The following POLN variants were observed in gnomAD, a reference collection of about 807,000 sequenced individuals.
POLN encodes DNA polymerase N.
In POLN, 108 loss-of-function variants were observed where a neutral mutation model predicts 113.5. That is an observed-to-expected ratio of 0.95 (90% CI 0.81 to 1.12). The LOEUF (loss-of-function observed/expected upper bound fraction) is 1.12. POLN is among the 50% of genes most tolerant of loss of function. The probability of loss-of-function intolerance (pLI) is 0.00; values close to 1 mark genes in which losing one functional copy is unlikely to be tolerated. For missense variants in POLN, 1,097 were observed against 1,077.1 expected (o/e 1.02, Z -0.26); for synonymous variants, 386 against 391.5 (o/e 0.99, Z 0.17).
chr4:2,189,555 C>T (rs1479520542), intron 7 of POLN, among the ~76,000 whole-genome samples: 10 of 150,652 alleles, frequency 6.6e-5, no homozygotes, highest in African/African-American at 9.9e-5. Context: ...AGGAGAATGG[C>T]GTGAACCCAG....
Position 2,208,480 on chromosome 4 carries a change from T to C in POLN, c.221A>G (p.Lys74Arg). Reference sequence around the variant, plus strand: ...TCTTGATGTCTGACTTCTTAAAGATTTAAGATCCTACAGAAAAATGGAAAA... The same window carrying C: ...TCTTGATGTCTGACTTCTTAAAGATCTAAGATCCTACAGAAAAATGGAAAA... Reference protein sequence around the residue: ...KTQSPEKKDLKSLRSQTSRGS... With the variant: ...KTQSPEKKDLRSLRSQTSRGS... The change falls in exon 5 of 26, where the codon AAA becomes AGA. Residue 74 changes from lysine to arginine, a missense_variant. Physicochemically the swap from Lys to Arg is conservative, Grantham distance 26 (BLOSUM62 2). Transcript: ENST00000511885. 1 of 1,534,550 alleles carries C rather than the reference T, an allele frequency of 6.5e-7. No homozygotes were observed. The highest frequency in any genetic ancestry group is 2.3e-5 in the East Asian group (1 of 44,178).
chr4:2,165,668 G>T (rs1422425167), intron 13 of POLN, among the ~76,000 whole-genome samples: 16 of 152,196 alleles, frequency 1.1e-4, no homozygotes, highest in Admixed American at 1.0e-3. Flanking sequence ...CGAGGATGTT[G>T]ATAGAGGGGG....
At chr4:2,223,132 G>A (rs1042967225) in intron 3 of POLN, among the ~76,000 whole-genome samples, 3 of 152,172 alleles carry the variant, frequency 2.0e-5, no homozygotes, top group Admixed American at 6.5e-5. Flanking sequence ...ACCTGACGAG[G>A]GGGGTTGGGT....
intron 19 of POLN, among the ~76,000 whole-genome samples, chr4:2,096,680 GAGAGAA>G (rs1413148368): frequency 9.2e-5 from 12 of 129,960 alleles, no homozygotes; most frequent in African/African-American, 3.9e-4. Flanking sequence ...TTCAGAAGCC[GAGAGAA>G]AGAGAGAGAG....
chr4:2,190,845 G>T (rs949917076), intron 7 of POLN, among the ~76,000 whole-genome samples: 1 of 152,130 alleles, frequency 6.6e-6, no homozygotes, highest in South Asian at 2.1e-4. Flanking sequence ...AATTTAAAAC[G>T]ACTTTCATCA....
chr4:2,123,132 A>G (rs1018688048), intron 19 of POLN, among the ~76,000 whole-genome samples: 15 of 152,096 alleles, frequency 9.9e-5, no homozygotes, highest in African/African-American at 3.6e-4. Context: ...GAGCCACTGC[A>G]TTCCCACTAA....
intron 16 of POLN, among the ~76,000 whole-genome samples, chr4:2,133,438 G>A (rs184443062): frequency 1.1e-4 from 17 of 152,240 alleles, no homozygotes; most frequent in African/African-American, 3.9e-4. Flanking sequence ...ATGGGTGAAT[G>A]GATAAAGAAA....
At chr4:2,103,408 T>C (rs1002043391) in intron 19 of POLN, among the ~76,000 whole-genome samples, 10 of 151,482 alleles carry the variant, frequency 6.6e-5, no homozygotes, top group Non-Finnish European at 1.2e-4. Flanking sequence ...CTAAGAAAAA[T>C]TAAAGAAAAA....
intron 14 of POLN, 45 bp downstream of exon 14, chr4:2,159,108 TCC>T (rs1732512561): frequency 7.2e-7 from 1 of 1,379,790 alleles, no homozygotes; most frequent in South Asian, 1.2e-5. Context: ...GCCATATGGT[TCC>T]CCCTCATCAC....
At chr4:2,143,009 C>T (rs1185913238) in intron 16 of POLN, among the ~76,000 whole-genome samples, 2 of 152,042 alleles carry the variant, frequency 1.3e-5, no homozygotes, top group African/African-American at 2.4e-5. Context: ...CTCCCTTACA[C>T]GTTTAACTCT....
chr4:2,174,694 C>A lies in POLN; in HGVS notation c.1306G>T (p.Ala436Ser), dbSNP rs756508927. The change falls in exon 10 of 26, where the codon GCA becomes TCA. Residue 436 changes from alanine (A) to serine (S), a missense_variant. Ala to Ser is a moderately conservative substitution (Grantham distance 99). Coordinates refer to ENST00000511885, the MANE Select transcript of POLN (RefSeq NM_181808.4). ...CTTCATCTTTATGGTAACTTACCTG[C>A]CAAAATTGGTATCAGAGGAAGCTCC... ...TLELPLIPIL[A>S]VMESHAIQVN... 2 of 1,607,272 alleles carry A rather than the reference C, an allele frequency of 1.2e-6. No homozygotes were observed. Among genetic ancestry groups the A allele is most frequent in the Non-Finnish European group, 1.7e-6 (2 of 1,174,238 alleles).
intron 17 of POLN, among the ~76,000 whole-genome samples, 154 bp from the exon 18 acceptor site, chr4:2,129,410 T>A (rs1553896311): frequency 6.6e-6 from 1 of 152,162 alleles, no homozygotes; most frequent in Non-Finnish European, 1.5e-5. Flanking sequence ...ATTTTAGAGA[T>A]GGGGGTCTCA....
intron 23 of POLN, 111 bp from the exon 24 acceptor site, chr4:2,075,630 G>T: frequency 1.7e-6 from 2 of 1,158,748 alleles, no homozygotes; most frequent in South Asian, 2.5e-5. Flanking sequence ...GTGAGGCGGG[G>T]GCTCAGGGGT....
intron 4 of POLN, among the ~76,000 whole-genome samples, chr4:2,210,415 T>C (rs948508420): frequency 6.7e-6 from 1 of 149,524 alleles, no homozygotes; most frequent in Non-Finnish European, 1.5e-5. Context: ...CCTGTCCTTT[T>C]ACAAAGAATA....
intron 3 of POLN, among the ~76,000 whole-genome samples, chr4:2,223,033 T>C (rs562666690): frequency 6.8e-4 from 103 of 152,142 alleles, no homozygotes; most frequent in Middle Eastern, 3.4e-3. Flanking sequence ...CAGCAGAAAG[T>C]TTACTGGGGA....
intron 25 of POLN, among the ~76,000 whole-genome samples, chr4:2,072,576 C>T (rs1207825431): frequency 6.6e-6 from 1 of 152,232 alleles, no homozygotes; most frequent in African/African-American, 2.4e-5. Context: ...TAGGCTGCGG[C>T]CGGCAGACAA....
At chr4:2,082,203 G>A (rs1361351698) in intron 21 of POLN, among the ~76,000 whole-genome samples, 15 of 152,150 alleles carry the variant, frequency 9.9e-5, no homozygotes, top group African/African-American at 2.6e-4. Flanking sequence ...TGATCCACCC[G>A]CCTTGGCCTC....
intron 3 of POLN, among the ~76,000 whole-genome samples, chr4:2,220,267 T>C (rs1366223712): frequency 6.6e-6 from 1 of 152,162 alleles, no homozygotes; most frequent in Non-Finnish European, 1.5e-5. Context: ...TCCTTTCTTC[T>C]TGCTCCTGCA....
At chr4:2,121,029 C>G (rs1420933715) in intron 19 of POLN, among the ~76,000 whole-genome samples, 1 of 152,168 alleles carries the variant, frequency 6.6e-6, no homozygotes, top group African/African-American at 2.4e-5. Context: ...TTCTTCCTTT[C>G]CAATCTATAT....
Sources: gnomAD v4.1 joint callset for allele counts (sites outside exome capture counted in the v4.1 genomes callset) on GRCh38, gnomAD v4.1.1 for gene constraint, MANE v1.5 for transcripts, NCBI Gene and HGNC (gene_info 2026-07-23, HGNC 2026-07-21) for gene names.